The following KCTD18 variants were observed in gnomAD, a reference collection of about 807,000 sequenced individuals.
KCTD18 encodes BTB/POZ domain-containing protein KCTD18.
KCTD18 carries 22 observed loss-of-function variants against 30.4 expected under a neutral mutation model. The observed-to-expected ratio is 0.72, with a 90% CI of 0.52 to 1.03. The LOEUF is 1.03. KCTD18 is among the 50% of genes least tolerant of loss of function. The pLI, the probability that KCTD18 is intolerant of heterozygous loss-of-function variation, is 0.00. For synonymous variants in KCTD18, 186 were observed against 209.0 expected, an observed-to-expected ratio of 0.89 and a Z score of 0.95; for missense variants, 529 against 547.6, an observed-to-expected ratio of 0.97 and a Z score of 0.34.
intron 3 of KCTD18, among the ~76,000 whole-genome samples, chr2:200,501,205 C>G (rs2088079259): frequency 6.6e-6 from 1 of 151,494 alleles, no homozygotes; most frequent in African/African-American, 2.4e-5. Context: ...TAGGTATTAC[C>G]ATTCAGGACA....
At chr2:200,501,080 A>G (rs1319507757) in intron 3 of KCTD18, among the ~76,000 whole-genome samples, 3 of 152,138 alleles carry the variant, frequency 2.0e-5, no homozygotes, top group Non-Finnish European at 2.9e-5. Context: ...CTGGCTAGCC[A>G]TATGTAGAAA....
chr2:200,491,038 T>G (rs191068039), intron 6 of KCTD18, among the ~76,000 whole-genome samples: 1 of 152,264 alleles, frequency 6.6e-6, no homozygotes, highest in Non-Finnish European at 1.5e-5. Flanking sequence ...AAATATTGCT[T>G]GATATAGTTT....
chr2:200,491,535 T>C (rs1188308884), intron 6 of KCTD18, among the ~76,000 whole-genome samples: 1 of 152,244 alleles, frequency 6.6e-6, no homozygotes, highest in Non-Finnish European at 1.5e-5. Flanking sequence ...TTCCCAATCA[T>C]TCTATAGTGA....
At chr2:200,493,057 G>A (rs533992707) in intron 6 of KCTD18, 115 bp downstream of exon 6, 138 of 619,138 alleles carry the variant, frequency 2.2e-4, no homozygotes, top group Admixed American at 1.5e-3. Flanking sequence ...TATTCAAATC[G>A]GTGATTAATA....
intron 5 of KCTD18, among the ~76,000 whole-genome samples, chr2:200,495,221 T>G (rs2087982409): frequency 6.6e-6 from 1 of 152,224 alleles, no homozygotes; most frequent in Non-Finnish European, 1.5e-5. Context: ...TGATATACTT[T>G]ACATTTATTT....
chr2:200,498,687 T>C (rs533953401), intron 4 of KCTD18, among the ~76,000 whole-genome samples: 36 of 152,366 alleles, frequency 2.4e-4, no homozygotes, highest in Non-Finnish European at 5.0e-4. Flanking sequence ...GCAGATGGCA[T>C]GCAGCTTATC....
chr2:200,492,954 T>A (rs888599155), intron 6 of KCTD18, among the ~76,000 whole-genome samples: 1 of 152,180 alleles, frequency 6.6e-6, no homozygotes, highest in African/African-American at 2.4e-5. Flanking sequence ...AAGAACATGT[T>A]ACACATGCAG....
chr2:200,502,704 G>C (rs2029932687), intron 3 of KCTD18, among the ~76,000 whole-genome samples: 1 of 152,184 alleles, frequency 6.6e-6, no homozygotes, highest in Non-Finnish European at 1.5e-5. Flanking sequence ...GCAGAAGACA[G>C]ACATTGAATA....
At chr2:200,503,903 A>G (rs2030014230) in intron 3 of KCTD18, among the ~76,000 whole-genome samples, 1 of 152,238 alleles carries the variant, frequency 6.6e-6, no homozygotes, top group Non-Finnish European at 1.5e-5. Flanking sequence ...AATACTTTCA[A>G]TAAGACAAAA....
intron 3 of KCTD18, among the ~76,000 whole-genome samples, chr2:200,504,196 C>T (rs1261641833): frequency 2.0e-5 from 3 of 152,162 alleles, no homozygotes; most frequent in African/African-American, 4.8e-5. Context: ...CAGTGGCTCA[C>T]GCCTGTAATC....
In KCTD18 at chr2:200,500,982, A is replaced by G. The variant is rs1312822043; in HGVS notation, c.373-1898T>C. Among the ~76,000 whole-genome samples the G allele has an allele frequency of 2.6e-5, 4 of 151,416 alleles. No individual in the cohort carries two copies. The South Asian group carries it at 6.3e-4, about 24-fold the overall frequency. On this transcript the variant is annotated intron_variant, in intron 3 of 6. Coordinates refer to ENST00000359878, the MANE Select transcript of KCTD18 (RefSeq NM_152387.4). ...ACAGAGCCCTCAGAAATAACGCCACATATCTACAACTATCTGATCTTTGAC... is the reference window on the plus strand; with the variant it reads ...ACAGAGCCCTCAGAAATAACGCCACGTATCTACAACTATCTGATCTTTGAC...
chr2:200,491,037 T>C (rs1029485911), intron 6 of KCTD18, among the ~76,000 whole-genome samples: 1 of 152,174 alleles, frequency 6.6e-6, no homozygotes, highest in Non-Finnish European at 1.5e-5. Context: ...GAAATATTGC[T>C]TGATATAGTT....
chr2:200,493,805 G>A (rs2087958252), intron 5 of KCTD18, among the ~76,000 whole-genome samples: 1 of 152,106 alleles, frequency 6.6e-6, no homozygotes, highest in Admixed American at 6.5e-5. Flanking sequence ...GTAGTCGTAG[G>A]GAGCAGTATA....
chr2:200,495,649 A>C (rs1249260866), intron 5 of KCTD18, among the ~76,000 whole-genome samples: 1 of 152,078 alleles, frequency 6.6e-6, no homozygotes, highest in African/African-American at 2.4e-5. Flanking sequence ...TAAGGAATGA[A>C]GCTGAACCGC....
intron 1 of KCTD18, among the ~76,000 whole-genome samples, chr2:200,507,793 G>C (rs1287788738): frequency 6.6e-6 from 1 of 152,010 alleles, no homozygotes; most frequent in East Asian, 1.9e-4. Context: ...AGGTAACTAA[G>C]GAATATATAA....
At chr2:200,500,944 T>G (rs1319694007) in intron 3 of KCTD18, among the ~76,000 whole-genome samples, 7 of 151,472 alleles carry the variant, frequency 4.6e-5, no homozygotes, top group Non-Finnish European at 1.0e-4. Flanking sequence ...GAGATATAGA[T>G]CAATGGAACA....
intron 2 of KCTD18, 59 bp from the exon 3 acceptor site, chr2:200,505,018 A>G (rs1297301796): frequency 7.4e-7 from 1 of 1,352,136 alleles, no homozygotes; most frequent in Non-Finnish European, 1.0e-6. Context: ...TAAGATTTCA[A>G]CAAATCAAAC....
intron 3 of KCTD18, among the ~76,000 whole-genome samples, chr2:200,500,829 T>C (rs2088073015): frequency 6.6e-6 from 1 of 152,108 alleles, no homozygotes; most frequent in South Asian, 2.1e-4. Context: ...GCCAAGTCAA[T>C]CCTGAGCCAA....
chr2:200,490,775 A>T (rs1156651715), intron 6 of KCTD18, among the ~76,000 whole-genome samples, 159 bp from the exon 7 acceptor site: 1 of 152,188 alleles, frequency 6.6e-6, no homozygotes, highest in Non-Finnish European at 1.5e-5. Flanking sequence ...TCTCCCACCA[A>T]GGTCAGTAAG....
Sources: allele counts gnomAD v4.1 joint callset (sites outside exome capture counted in the v4.1 genomes callset), GRCh38; gene constraint gnomAD v4.1.1; transcripts MANE v1.5; gene names NCBI Gene and HGNC (gene_info 2026-07-23, HGNC 2026-07-21).